IGDCC3: variants seen among roughly 807,000 people sequenced by gnomAD.
IGDCC3 encodes the protein immunoglobulin superfamily DCC subclass member 3, also known as putative neuronal cell adhesion molecule.
A neutral mutation model predicts 72.0 loss-of-function variants in IGDCC3; 47 were observed. That is an observed-to-expected ratio of 0.65 (90% CI 0.52 to 0.83). The LOEUF is 0.83. Among genes scored for constraint, IGDCC3 ranks in the 40% least tolerant of loss-of-function variants. IGDCC3 has a pLI of 0.00. For synonymous variants in IGDCC3, 477 were observed against 472.8 expected, an observed-to-expected ratio of 1.01 and a Z score of -0.11; for missense variants, 1,038 against 1,091.3, an observed-to-expected ratio of 0.95 and a Z score of 0.69.
chr15:65,365,123 G>A (rs2091282186), intron 2 of IGDCC3, among the ~76,000 whole-genome samples: 1 of 152,132 alleles, frequency 6.6e-6, no homozygotes, highest in South Asian at 2.1e-4. Flanking sequence ...GAGAAAGCTG[G>A]GCTAGATGAG....
intron 2 of IGDCC3, among the ~76,000 whole-genome samples, chr15:65,338,395 G>C (rs1030690455): frequency 1.3e-5 from 2 of 152,224 alleles, no homozygotes; most frequent in Admixed American, 6.5e-5. Context: ...ACTGAGGCCA[G>C]GCTCTCTGCT....
intron 9 of IGDCC3, 99 bp from the exon 10 acceptor site, chr15:65,330,840 TC>T: frequency 8.8e-7 from 1 of 1,138,626 alleles, no homozygotes; most frequent in Non-Finnish European, 1.2e-6. Context: ...CTGACAGCCC[TC>T]TGGCCTCTGG....
intron 2 of IGDCC3, among the ~76,000 whole-genome samples, chr15:65,343,013 C>T (rs919762424): frequency 3.3e-5 from 5 of 152,038 alleles, no homozygotes; most frequent in Non-Finnish European, 7.4e-5. Flanking sequence ...CTCAGCACCA[C>T]CATTATGGGC....
rs1187139818 is a variant in IGDCC3, at chr15:65,377,899, G to T, written c.-111C>A. On this transcript the variant is annotated 5_prime_UTR_variant, in exon 1 of 14. Coordinates refer to ENST00000327987, the MANE Select transcript of IGDCC3 (RefSeq NM_004884.4). The surrounding 1 kb of genome is among the most constrained non-coding windows in gnomAD (Gnocchi z 4.9). ...CGGGGCTGGGGCTCCGGCCGGGGCCGAGCCCAGGCGGTGGGGGACTGGGGC... is the reference window on the plus strand; with the variant it reads ...CGGGGCTGGGGCTCCGGCCGGGGCCTAGCCCAGGCGGTGGGGGACTGGGGC... 39 of 984,742 alleles carry T rather than the reference G, an allele frequency of 4.0e-5. No individual in the cohort carries two copies. In the Middle Eastern group the frequency reaches 2.0e-3, roughly 51 times the overall value. The allele number at this position is 984,742 out of a possible 1,614,324, so 61.0% of individuals were successfully genotyped here. A position where few individuals can be genotyped will look rare whatever the true frequency, so the allele number is the denominator to read the frequency against.
intron 2 of IGDCC3, among the ~76,000 whole-genome samples, chr15:65,345,179 G>A (rs1029458438): frequency 5.9e-5 from 9 of 152,104 alleles, no homozygotes; most frequent in Admixed American, 1.3e-4. Context: ...TCTCAGACAG[G>A]ACATTCTGAC....
chr15:65,359,302 G>T (rs1007372289), intron 2 of IGDCC3, among the ~76,000 whole-genome samples: 7 of 152,124 alleles, frequency 4.6e-5, no homozygotes, highest in Non-Finnish European at 7.4e-5. Context: ...TTGTCATTAT[G>T]GTTATAACAG....
At chr15:65,360,017 C>T (rs2091250264) in intron 2 of IGDCC3, among the ~76,000 whole-genome samples, 1 of 152,056 alleles carries the variant, frequency 6.6e-6, no homozygotes, top group Non-Finnish European at 1.5e-5. Context: ...CATCAGATAC[C>T]AACTCTAGGC....
chr15:65,376,582 G>C (rs2091360169), intron 1 of IGDCC3, among the ~76,000 whole-genome samples: 1 of 152,176 alleles, frequency 6.6e-6, no homozygotes, highest in African/African-American at 2.4e-5. Flanking sequence ...GGGGTTATAG[G>C]CATTCCCCGC....
rs1384833279 is a variant in IGDCC3 at position 65,339,952 on chromosome 15, G to C, written c.410-3996C>G. 6.6e-6 allele frequency among the ~76,000 whole-genome samples: 1 copy of C among 152,168 alleles called. No individual in the cohort carries two copies. Among genetic ancestry groups the C allele is most frequent in the African/African-American group, 2.4e-5 (1 of 41,434 alleles). ...CAGAGAAAGCGACAGGGAGGACAAA[G>C]TCCTGCTTGGCAGTAGGTGGGGAGA... On this transcript the variant is annotated intron_variant, in intron 2 of 13. Coordinates refer to ENST00000327987, the MANE Select transcript of IGDCC3 (RefSeq NM_004884.4). This position sits in a 1 kb window ranked among gnomAD's most constrained non-coding sequence, Gnocchi z 4.1.
chr15:65,351,954 G>A (rs567620764), intron 2 of IGDCC3, among the ~76,000 whole-genome samples: 3 of 152,124 alleles, frequency 2.0e-5, no homozygotes, highest in Non-Finnish European at 4.4e-5. Context: ...TTAAAAGGTG[G>A]TTTATAATCA....
rs1023807146 is a variant in IGDCC3 at position 65,377,957 on chromosome 15, G to T, written c.-169C>A. The T allele has an allele frequency of 5.8e-6, 3 of 521,434 alleles. No homozygotes were observed. In the Admixed American group the frequency reaches 1.8e-4, roughly 32 times the overall value. The allele number at this position is 521,434 out of a possible 1,614,324, so 32.3% of individuals were successfully genotyped here. ...CTGCTCAGCAGCGCGGGGGGCGCAGGGGGAGCGCCGCTTGCGCCATCTTGC... is the reference window on the plus strand; with the variant it reads ...CTGCTCAGCAGCGCGGGGGGCGCAGTGGGAGCGCCGCTTGCGCCATCTTGC... On this transcript the variant is annotated 5_prime_UTR_variant, in exon 1 of 14. Coordinates refer to ENST00000327987, the MANE Select transcript of IGDCC3 (RefSeq NM_004884.4). This position sits in a 1 kb window ranked among gnomAD's most constrained non-coding sequence, Gnocchi z 4.9.
rs548613213 is a variant in IGDCC3, at chr15:65,347,792, A to G, written c.410-11836T>C. 6.6e-5 allele frequency among the ~76,000 whole-genome samples: 10 copies of G among 152,170 alleles called. No individual in the cohort carries two copies. The South Asian group carries it at 2.1e-3, about 32-fold the overall frequency. Reference sequence around the variant, plus strand: ...CTAAAAATATAAAAATTAGCCGGGCATGGTGGCGTGTGCCTGTAATCCCAG... The same window carrying G: ...CTAAAAATATAAAAATTAGCCGGGCGTGGTGGCGTGTGCCTGTAATCCCAG... On this transcript the variant is annotated intron_variant, in intron 2 of 13. Coordinates refer to ENST00000327987, the MANE Select transcript of IGDCC3 (RefSeq NM_004884.4).
intron 7 of IGDCC3, 85 bp from the exon 8 acceptor site, chr15:65,331,744 C>A: frequency 6.8e-7 from 1 of 1,476,416 alleles, no homozygotes; most frequent in Non-Finnish European, 9.0e-7. Flanking sequence ...GAAACTGAGT[C>A]TTTCCAGGAG....
chr15:65,331,610 A>C lies in IGDCC3; in HGVS notation c.1198T>G (p.Cys400Gly). Residue 400 changes from cysteine to glycine, a missense_variant, in exon 8 of 14, where the codon TGT becomes GGT. Cys to Gly is a radical substitution (Grantham distance 159, BLOSUM62 -3). Coordinates refer to ENST00000327987, the MANE Select transcript of IGDCC3 (RefSeq NM_004884.4). ...IGPEDEAIYQ[C>G]VAENSAGSSQ... ...GAGCCCGCACTGTTCTCGGCCACAC[A>C]CTGATAAATGGCTTCATCCTCAGGA... The C allele has an allele frequency of 6.2e-7, 1 of 1,613,228 alleles. No homozygotes were observed. Among genetic ancestry groups the C allele is most frequent in the East Asian group, 2.2e-5 (1 of 44,860 alleles).
Position 65,330,332 on chromosome 15 carries a change from C to A in IGDCC3, c.1819G>T (p.Val607Phe). The A allele has an allele frequency of 2.5e-6, 4 of 1,614,054 alleles. No homozygotes were observed. Among genetic ancestry groups the A allele is most frequent in the Non-Finnish European group, 3.4e-6 (4 of 1,179,958 alleles). ...GCTCCCCTCAAAGACACAAAGCGGA[C>A]TGTGGCATTGCCATCTCCATGCTGG... ...YNQHGDGNAT[V>F]RFVSLRGASE... The change falls in exon 11 of 14, where the codon GTC (valine) becomes TTC (phenylalanine). Residue 607 changes from valine (V) to phenylalanine (F), a missense_variant. Transcript: ENST00000327987.
At chr15:65,370,239 G>A (rs1035182444) in intron 2 of IGDCC3, among the ~76,000 whole-genome samples, 15 of 152,132 alleles carry the variant, frequency 9.9e-5, no homozygotes, top group Admixed American at 9.2e-4. Context: ...GTACCTGGCT[G>A]GACACGGTGG....
intron 2 of IGDCC3, among the ~76,000 whole-genome samples, chr15:65,347,919 A>G (rs758427090): frequency 6.6e-6 from 1 of 151,624 alleles, no homozygotes; most frequent in Admixed American, 6.6e-5. Context: ...CTGGGCAACA[A>G]GAGCGAAATT....
intron 2 of IGDCC3, among the ~76,000 whole-genome samples, chr15:65,346,219 A>G (rs1030074153): frequency 1.3e-5 from 2 of 152,008 alleles, no homozygotes; most frequent in Non-Finnish European, 2.9e-5. Context: ...CCTAATTTCT[A>G]TTAATACAGG....
At chr15:65,331,833 T>C in intron 7 of IGDCC3, 108 bp downstream of exon 7, 1 of 1,426,634 alleles carries the variant, frequency 7.0e-7, no homozygotes, top group East Asian at 2.3e-5. Context: ...CTCCCAATTC[T>C]GTGCTCTTCC....
Sources: allele counts gnomAD v4.1 joint callset (sites outside exome capture counted in the v4.1 genomes callset), GRCh38; gene constraint gnomAD v4.1.1; non-coding constraint Gnocchi (gnomAD v3.1); transcripts MANE v1.5; gene names NCBI Gene and HGNC (gene_info 2026-07-23, HGNC 2026-07-21).